KCNH7: variants seen among roughly 807,000 people sequenced by gnomAD.
KCNH7 encodes voltage-gated inwardly rectifying potassium channel KCNH7.
Under a neutral mutation model 120.8 loss-of-function variants are expected in KCNH7, and 49 were observed. The observed-to-expected ratio is 0.41, with a 90% confidence interval of 0.32 to 0.51. The LOEUF is 0.51. Among genes scored for constraint, KCNH7 ranks in the 20% least tolerant of loss-of-function variants. The pLI, the probability that KCNH7 is intolerant of heterozygous loss-of-function variation, is 0.38. For synonymous variants in KCNH7, 547 were observed against 516.1 expected (o/e 1.06, Z -0.81); for missense variants, 1,097 against 1,446.6 (o/e 0.76, Z 3.92).
intron 2 of KCNH7, among the ~76,000 whole-genome samples, chr2:162,721,135 C>A (rs776177114): frequency 2.9e-4 from 44 of 152,070 alleles, no homozygotes; most frequent in Non-Finnish European, 5.9e-4. Flanking sequence ...TTCTACCATT[C>A]AGAAAATAGT....
intron 2 of KCNH7, among the ~76,000 whole-genome samples, chr2:162,742,517 T>C (rs1206079822): frequency 2.6e-5 from 4 of 152,210 alleles, no homozygotes; most frequent in Non-Finnish European, 5.9e-5. Context: ...CATTCCTTAA[T>C]AAAAATTGAA....
At chr2:162,788,164 G>A (rs1683782469) in intron 2 of KCNH7, among the ~76,000 whole-genome samples, 1 of 152,088 alleles carries the variant, frequency 6.6e-6, no homozygotes, top group African/African-American at 2.4e-5. Context: ...TGAACTGTGT[G>A]GCAATAATTA....
intron 2 of KCNH7, among the ~76,000 whole-genome samples, chr2:162,715,080 A>G (rs1455411568): frequency 6.6e-6 from 1 of 152,198 alleles, no homozygotes; most frequent in Non-Finnish European, 1.5e-5. Context: ...CAATGTCATA[A>G]GTTGGTATAT....
At chr2:162,831,786 G>T (rs956196020) in intron 2 of KCNH7, among the ~76,000 whole-genome samples, 1 of 152,080 alleles carries the variant, frequency 6.6e-6, no homozygotes. Flanking sequence ...AAGCACCTTG[G>T]GTGTGAAAAT....
At chr2:162,794,046 A>C (rs933735231) in intron 2 of KCNH7, among the ~76,000 whole-genome samples, 1 of 152,038 alleles carries the variant, frequency 6.6e-6, no homozygotes, top group Non-Finnish European at 1.5e-5. Context: ...TCACAACTTA[A>C]ATATATACAA....
intron 2 of KCNH7, among the ~76,000 whole-genome samples, chr2:162,628,084 A>T (rs1009243376): frequency 6.6e-6 from 1 of 152,168 alleles, no homozygotes; most frequent in African/African-American, 2.4e-5. Context: ...GAATCTTTTC[A>T]TGAGAGTATT....
intron 2 of KCNH7, among the ~76,000 whole-genome samples, chr2:162,574,948 A>G (rs1024040982): frequency 5.3e-5 from 8 of 152,136 alleles, no homozygotes; most frequent in Non-Finnish European, 1.2e-4. Flanking sequence ...AGATGAGAAT[A>G]CTAAATATTG....
At position 162,702,113 on chromosome 2, in the gene KCNH7, A is replaced by T. The variant is rs1321280061; in HGVS notation, c.307+134424T>A. On this transcript the variant is annotated intron_variant, in intron 2 of 15. Coordinates refer to ENST00000332142, the MANE Select transcript of KCNH7 (RefSeq NM_033272.4). ...CTAGAGGGAAATGCATGGAGAAAAA[A>T]ATTTTTTCAAAATATTCGGTCCTTT... Among the ~76,000 whole-genome samples the T allele has an allele frequency of 2.0e-5, 3 of 152,152 alleles. No homozygotes were observed. The South Asian group carries it at 6.2e-4, about 32-fold the overall frequency.
chr2:162,700,949 GA>G (rs1321916066), intron 2 of KCNH7, among the ~76,000 whole-genome samples: 19 of 152,296 alleles, frequency 1.2e-4, no homozygotes, highest in Admixed American at 1.2e-3. Flanking sequence ...TTGTTCTTTA[GA>G]GATGGAATTA....
At chr2:162,801,520 C>T (rs1684350584) in intron 2 of KCNH7, among the ~76,000 whole-genome samples, 1 of 151,542 alleles carries the variant, frequency 6.6e-6, no homozygotes, top group Non-Finnish European at 1.5e-5. Context: ...TAATTCAGCA[C>T]CACAAAAATG....
intron 2 of KCNH7, among the ~76,000 whole-genome samples, chr2:162,641,980 T>C (rs755213538): frequency 2.0e-5 from 3 of 152,146 alleles, no homozygotes; most frequent in Non-Finnish European, 4.4e-5. Flanking sequence ...GGAGCCCCAA[T>C]GGTTATTTTA....
intron 2 of KCNH7, among the ~76,000 whole-genome samples, chr2:162,577,989 G>T (rs1693746240): frequency 1.3e-5 from 2 of 152,030 alleles, no homozygotes; most frequent in Non-Finnish European, 2.9e-5. Context: ...CAAGGTCATA[G>T]AATTTCTAAG....
At chr2:162,746,056 A>G (rs1688305720) in intron 2 of KCNH7, among the ~76,000 whole-genome samples, 1 of 152,116 alleles carries the variant, frequency 6.6e-6, no homozygotes, top group East Asian at 1.9e-4. Context: ...TTATAAATCT[A>G]AGGTAAAATG....
At chr2:162,450,171 C>G (rs1688719968) in intron 6 of KCNH7, among the ~76,000 whole-genome samples, 1 of 152,032 alleles carries the variant, frequency 6.6e-6, no homozygotes, top group South Asian at 2.1e-4. Flanking sequence ...AATGGTGTTA[C>G]TTGAAAACTA....
intron 6 of KCNH7, among the ~76,000 whole-genome samples, chr2:162,449,714 T>G (rs544649980): frequency 6.6e-6 from 1 of 152,096 alleles, no homozygotes; most frequent in East Asian, 1.9e-4. Context: ...GGATGTATTT[T>G]CCCTCAGAAC....
intron 2 of KCNH7, among the ~76,000 whole-genome samples, chr2:162,745,745 A>G (rs1396373368): frequency 6.6e-6 from 1 of 152,094 alleles, no homozygotes; most frequent in Non-Finnish European, 1.5e-5. Flanking sequence ...AAAATTTAAA[A>G]AAAGGTAATA....
At chr2:162,835,328 A>G (rs1277582165) in intron 2 of KCNH7, among the ~76,000 whole-genome samples, 1 of 152,104 alleles carries the variant, frequency 6.6e-6, no homozygotes, top group Non-Finnish European at 1.5e-5. Context: ...ACATTGAATT[A>G]TAAGAAAATA....
chr2:162,478,989 C>T (rs539045541), intron 6 of KCNH7, among the ~76,000 whole-genome samples: 7 of 152,026 alleles, frequency 4.6e-5, no homozygotes, highest in African/African-American at 9.6e-5. Context: ...ATAAAACATA[C>T]GGGCAATTTT....
Position 162,373,619 on chromosome 2 carries a change from A to C in KCNH7, c.3175T>G (p.Leu1059Val), listed in dbSNP as rs1686048148. 1 of 1,561,236 alleles carries C rather than the reference A, an allele frequency of 6.4e-7. No individual in the cohort carries two copies. The highest frequency in any genetic ancestry group is 8.7e-7 in the Non-Finnish European group (1 of 1,152,364). ...MTTDIQTILQ[L>V]LQKQTTVVPP... ...ACCACAGTGGTTTGTTTCTGCAGCA[A>C]CTGTAAGATGGTCTGGATGTCAGTG... The change falls in exon 15 of 16, where the codon TTG becomes GTG. Residue 1059 changes from leucine to valine, a missense_variant. Leu to Val is a conservative substitution (Grantham distance 32). Around this residue, in one of 8 missense-constraint regions of KCNH7, gnomAD observed 406 missense variants for 410.5 expected, o/e 0.99. Coordinates refer to ENST00000332142, the MANE Select transcript of KCNH7 (RefSeq NM_033272.4).
Sources: gnomAD v4.1 joint callset for allele counts (sites outside exome capture counted in the v4.1 genomes callset) on GRCh38, gnomAD v4.1.1 for gene constraint, gnomAD v4.1.1 regional missense constraint, MANE v1.5 for transcripts, NCBI Gene and HGNC (gene_info 2026-07-23, HGNC 2026-07-21) for gene names.